The following GSE1 variants were observed in gnomAD, a reference collection of about 807,000 sequenced individuals.
GSE1 encodes the protein Gse1 coiled-coil protein, also known as genetic suppressor element 1.
GSE1 carries 32 observed loss-of-function variants against 112.6 expected under a neutral mutation model. The observed-to-expected ratio is 0.28, with a 90% CI of 0.21 to 0.38. GSE1 has a LOEUF of 0.38. Among genes scored for constraint, GSE1 ranks in the 10% least tolerant of loss-of-function variants. The probability of loss-of-function intolerance (pLI) is 1.00; values close to 1 mark genes in which losing one functional copy is unlikely to be tolerated. For synonymous variants in GSE1, 1,115 were observed against 735.6 expected (o/e 1.52, Z -8.35); for missense variants, 2,348 against 1,699.2 (o/e 1.38, Z -6.71).
intron 2 of GSE1, among the ~76,000 whole-genome samples, chr16:85,524,298 G>C (rs2052291410): frequency 6.6e-6 from 1 of 152,088 alleles, no homozygotes; most frequent in African/African-American, 2.4e-5. Flanking sequence ...GGGCACCTCA[G>C]ATGCCATCCC....
At chr16:85,496,486 C>T (rs542813467) in intron 2 of GSE1, among the ~76,000 whole-genome samples, 4 of 152,310 alleles carry the variant, frequency 2.6e-5, no homozygotes, top group South Asian at 2.1e-4. Flanking sequence ...GCTGGCGAGG[C>T]GGGCAGCCCG....
chr16:85,332,538 G>A (rs1207817908), intron 1 of GSE1, among the ~76,000 whole-genome samples: 1 of 152,116 alleles, frequency 6.6e-6, no homozygotes, highest in Non-Finnish European at 1.5e-5. Context: ...ATGACTTACG[G>A]TGTCCAAAGC....
At chr16:85,535,178 G>A (rs2044281955) in intron 2 of GSE1, among the ~76,000 whole-genome samples, 1 of 152,240 alleles carries the variant, frequency 6.6e-6, no homozygotes, top group Non-Finnish European at 1.5e-5. Context: ...CCTGGGGGAG[G>A]CATGAGGAAG....
chr16:85,505,892 G>C (rs2051519337), intron 2 of GSE1, among the ~76,000 whole-genome samples: 1 of 151,844 alleles, frequency 6.6e-6, no homozygotes, highest in Non-Finnish European at 1.5e-5. Flanking sequence ...TTGGGAGGAT[G>C]AGCCCAGGAG....
intron 1 of GSE1, among the ~76,000 whole-genome samples, chr16:85,560,378 C>T (rs1408862792): frequency 6.6e-6 from 1 of 152,114 alleles, no homozygotes; most frequent in African/African-American, 2.4e-5. Context: ...CTGCCTTGGC[C>T]TCCCAAAGTG....
chr16:85,177,401 G>C (rs570615537), intron 1 of GSE1, among the ~76,000 whole-genome samples: 1 of 152,342 alleles, frequency 6.6e-6, no homozygotes, highest in Non-Finnish European at 1.5e-5. Flanking sequence ...ACACTGAAGA[G>C]AGATGCCATG....
upstream of GSE1, chr16:85,554,875 C>T (rs2045120538): frequency 1.0e-6 from 1 of 985,306 alleles, no homozygotes; most frequent in Non-Finnish European, 1.2e-6. Flanking sequence ...CAGCCGCCCA[C>T]TGTTTGCAAA....
chr16:85,516,022 C>T (rs2051923300), intron 2 of GSE1, among the ~76,000 whole-genome samples: 1 of 152,114 alleles, frequency 6.6e-6, no homozygotes. Flanking sequence ...AATGCCAGTG[C>T]CTGGCAGCAG....
At chr16:85,425,918 C>T (rs1364361244) in intron 2 of GSE1, among the ~76,000 whole-genome samples, 1 of 152,228 alleles carries the variant, frequency 6.6e-6, no homozygotes, top group African/African-American at 2.4e-5. Context: ...GTGGAGTTTC[C>T]TGCCCACAGT....
chr16:85,449,589 C>T (rs1007980409), intron 2 of GSE1, among the ~76,000 whole-genome samples: 1 of 152,242 alleles, frequency 6.6e-6, no homozygotes, highest in African/African-American at 2.4e-5. Context: ...AGCTCCTGCC[C>T]TCTCTTCCGG....
intron 2 of GSE1, among the ~76,000 whole-genome samples, chr16:85,439,931 C>T (rs1313276291): frequency 5.3e-5 from 8 of 152,230 alleles, no homozygotes; most frequent in Non-Finnish European, 4.4e-5. Flanking sequence ...TGCACACAGG[C>T]ATACGCAGAG....
chr16:85,668,517 C>T, intron 14 of GSE1, 93 bp downstream of exon 14: 1 of 841,248 alleles, frequency 1.2e-6, no homozygotes, highest in Non-Finnish European at 1.9e-6. Flanking sequence ...CTCTGCCAGC[C>T]TGGGGACTGT....
chr16:85,653,859 C>A (rs747411042), intron 3 of GSE1, among the ~76,000 whole-genome samples: 5 of 152,218 alleles, frequency 3.3e-5, no homozygotes, highest in Non-Finnish European at 5.9e-5. Context: ...GTGGCACTCG[C>A]TTCACGGCGT....
chr16:85,282,122 G>A (rs1049114365), intron 1 of GSE1, among the ~76,000 whole-genome samples: 6 of 151,974 alleles, frequency 3.9e-5, no homozygotes, highest in African/African-American at 1.5e-4. Flanking sequence ...CTGCCTCCTG[G>A]GTTCAAGTGA....
At chr16:85,526,890 A>G (rs545110235) in intron 2 of GSE1, among the ~76,000 whole-genome samples, 13 of 152,336 alleles carry the variant, frequency 8.5e-5, no homozygotes, top group South Asian at 6.2e-4. Context: ...AACATGGCCA[A>G]TTTTGTTCAG....
chr16:85,631,287 G>C (rs551797908), intron 1 of GSE1, among the ~76,000 whole-genome samples: 75 of 152,342 alleles, frequency 4.9e-4, no homozygotes, highest in Non-Finnish European at 8.5e-4. Flanking sequence ...CCCTATGTTG[G>C]CCATGTCCTC....
chr16:85,279,142 A>C (rs2044779334), intron 1 of GSE1: 1 of 152,280 alleles, frequency 6.6e-6, no homozygotes, highest in African/African-American at 2.4e-5. Flanking sequence ...ACATAAAATA[A>C]CGATGTGGTA....
rs1236074242 is a variant in GSE1, at chr16:85,331,333, G to C, written c.2284-26130G>C. Among the ~76,000 whole-genome samples, 4 of 73,502 alleles carry C rather than the reference G, an allele frequency of 5.4e-5. 1 individual carries two copies. The highest frequency in any genetic ancestry group is 1.2e-4 in the Non-Finnish European group (4 of 33,364). 48.2% of individuals were successfully genotyped at this position (73,502 alleles called of 152,430 possible). A position where few individuals can be genotyped will look rare whatever the true frequency, so the allele number is the denominator to read the frequency against. ...ATGCCCAGCTAATTTCTGTGTGTGT[G>C]TGTGTGTGTGTGTGTGTGTGTGTGT... On this transcript the variant is annotated intron_variant, in intron 1 of 2. Coordinates refer to the GSE1 transcript ENST00000637419.
At chr16:85,210,048 A>T (rs1161873277) in intron 1 of GSE1, among the ~76,000 whole-genome samples, 1 of 152,256 alleles carries the variant, frequency 6.6e-6, no homozygotes, top group Non-Finnish European at 1.5e-5. Context: ...TTAGCATACC[A>T]AAAAGATGGT....
Sources: gnomAD v4.1 joint callset for allele counts (sites outside exome capture counted in the v4.1 genomes callset) on GRCh38, gnomAD v4.1.1 for gene constraint, MANE v1.5 for transcripts, NCBI Gene and HGNC (gene_info 2026-07-23, HGNC 2026-07-21) for gene names.